Variants in FAM120B observed in about 807,000 individuals in gnomAD.
FAM120B encodes the protein constitutive coactivator of peroxisome proliferator-activated receptor gamma.
In FAM120B, 83 loss-of-function variants were observed where a neutral mutation model predicts 96.3. The observed-to-expected ratio is 0.86, with a 90% CI of 0.72 to 1.03. FAM120B has a LOEUF of 1.03. Among genes scored for constraint, FAM120B ranks in the 50% least tolerant of loss-of-function variants. The probability of loss-of-function intolerance (pLI) is 0.00; values close to 1 mark genes in which losing one functional copy is unlikely to be tolerated. For missense variants in FAM120B, 1,027 were observed against 1,121.2 expected (o/e 0.92, Z 1.20); for synonymous variants, 407 against 402.7 (o/e 1.01, Z -0.13).
intron 4 of FAM120B, among the ~76,000 whole-genome samples, chr6:170,332,620 C>T (rs9348310): frequency 0.1 from 15,653 of 152,106 alleles, 1,028 homozygotes; most frequent in East Asian, 0.2. Flanking sequence ...ATTGCTGGAA[C>T]CCTGGAGGCG....
intron 9 of FAM120B, among the ~76,000 whole-genome samples, chr6:170,402,097 G>A (rs1335846639): frequency 2.6e-5 from 4 of 152,252 alleles, no homozygotes; most frequent in Non-Finnish European, 5.9e-5. Context: ...CACTGCTGAG[G>A]GTGCTGTGCA....
rs578051305 is a variant in FAM120B at position 170,333,161 on chromosome 6, C to T, written c.2017+2611C>T. ...TTGAATGTTTGTACCCCCACCCCAC[C>T]GCCCCCCCGCCCCCCGCAATTCCTG... On this transcript the variant is annotated intron_variant, in intron 4 of 10. Transcript: ENST00000476287. Among the ~76,000 whole-genome samples, 129 of 147,414 alleles carry T rather than the reference C, an allele frequency of 8.8e-4. 1 individual carries two copies. Among genetic ancestry groups the T allele is most frequent in the East Asian group, 6.9e-3 (34 of 4,958 alleles).
At chr6:170,297,384 T>C (rs566482399) in intron 1 of FAM120B, among the ~76,000 whole-genome samples, 19 of 152,338 alleles carry the variant, frequency 1.2e-4, no homozygotes, top group African/African-American at 4.3e-4. Context: ...GGTGACCGGC[T>C]GCGTGCGTTC....
At chr6:170,328,649 A>G (rs1001916351) in intron 3 of FAM120B, among the ~76,000 whole-genome samples, 1 of 152,072 alleles carries the variant, frequency 6.6e-6, no homozygotes, top group African/African-American at 2.4e-5. Context: ...TCCTAAATCT[A>G]TGGGTTTATA....
upstream of FAM120B, among the ~76,000 whole-genome samples, chr6:170,303,750 C>G (rs1462826187): frequency 1.3e-5 from 2 of 152,186 alleles, no homozygotes; most frequent in East Asian, 3.8e-4. Flanking sequence ...GTTAAACTCC[C>G]ATTCAGCAAT....
intron 6 of FAM120B, among the ~76,000 whole-genome samples, chr6:170,386,653 G>C (rs1344688213): frequency 6.6e-6 from 1 of 152,214 alleles, no homozygotes; most frequent in Non-Finnish European, 1.5e-5. Flanking sequence ...GGGCTTCCCT[G>C]TGAGTTTTTC....
intron 3 of FAM120B, among the ~76,000 whole-genome samples, chr6:170,327,289 G>T (rs753900861): frequency 6.6e-6 from 1 of 151,400 alleles, no homozygotes; most frequent in Non-Finnish European, 1.5e-5. Context: ...CTTGTGATCC[G>T]CCCACCTCGG....
intron 9 of FAM120B, among the ~76,000 whole-genome samples, chr6:170,400,831 G>GT (rs1324214170): frequency 6.6e-6 from 1 of 152,226 alleles, no homozygotes; most frequent in East Asian, 1.9e-4. Flanking sequence ...GCCTGCAGGT[G>GT]TGGCCTGGCG....
At chr6:170,383,799 A>G (rs1453755621) in intron 6 of FAM120B, among the ~76,000 whole-genome samples, 1 of 127,546 alleles carries the variant, frequency 7.8e-6, no homozygotes, top group East Asian at 5.4e-4. Context: ...ATGAAAACTT[A>G]GGTTCATTCA....
At chr6:170,389,914 G>A (rs1302259654) in intron 7 of FAM120B, among the ~76,000 whole-genome samples, 1 of 152,132 alleles carries the variant, frequency 6.6e-6, no homozygotes, top group Non-Finnish European at 1.5e-5. Context: ...GTGCCCCACA[G>A]ATATCAGACT....
upstream of FAM120B, among the ~76,000 whole-genome samples, chr6:170,302,846 G>A (rs1045471784): frequency 3.3e-5 from 5 of 152,314 alleles, no homozygotes; most frequent in South Asian, 6.2e-4. Context: ...ATAATCCTAC[G>A]TAACTCTTCT....
chr6:170,372,918 A>G (rs188309701), intron 6 of FAM120B, among the ~76,000 whole-genome samples: 3 of 152,324 alleles, frequency 2.0e-5, no homozygotes, highest in Non-Finnish European at 4.4e-5. Flanking sequence ...ATAACAATGT[A>G]TTCATAATGT....
intron 6 of FAM120B, among the ~76,000 whole-genome samples, chr6:170,379,679 A>G (rs2115280856): frequency 6.6e-6 from 1 of 152,296 alleles, no homozygotes; most frequent in East Asian, 1.9e-4. Flanking sequence ...TTATTTTGAA[A>G]ACTGTCTCAT....
At chr6:170,348,476 AAAAAG>A (rs1302002007) in intron 5 of FAM120B, among the ~76,000 whole-genome samples, 153 bp downstream of exon 5, 1 of 152,216 alleles carries the variant, frequency 6.6e-6, no homozygotes, top group African/African-American at 2.4e-5. Context: ...CTCTAAAAAT[AAAAAG>A]AAGATTGTAT....
At chr6:170,291,055 T>TC, upstream of FAM120B, 1 of 701,388 alleles carries the variant, frequency 1.4e-6, no homozygotes, top group Non-Finnish European at 2.6e-6. Context: ...AACCCTCCTC[T>TC]CAATGGATCG....
chr6:170,351,135 A>G (rs945540973), intron 5 of FAM120B, among the ~76,000 whole-genome samples: 5 of 152,082 alleles, frequency 3.3e-5, no homozygotes, highest in Non-Finnish European at 7.4e-5. Flanking sequence ...TAAGAAATTC[A>G]CAGAACTTCA....
At chr6:170,332,294 T>C (rs1786105556) in intron 4 of FAM120B, among the ~76,000 whole-genome samples, 1 of 152,242 alleles carries the variant, frequency 6.6e-6, no homozygotes, top group Admixed American at 6.5e-5. Flanking sequence ...AAATTTTAAG[T>C]GCTTTTCCGT....
chr6:170,291,186 G>T (rs1783860977), upstream of FAM120B: 11 of 531,384 alleles, frequency 2.1e-5, no homozygotes, highest in Non-Finnish European at 3.5e-5. Flanking sequence ...CACACAAAAC[G>T]CACTCATTTA....
intron 1 of FAM120B, among the ~76,000 whole-genome samples, chr6:170,300,901 C>A (rs73031203): frequency 3.3e-3 from 504 of 152,336 alleles, no homozygotes; most frequent in Non-Finnish European, 5.3e-3. Context: ...TAAACCCCCC[C>A]CTCCTGGCTG....
Sources: allele counts gnomAD v4.1 joint callset (sites outside exome capture counted in the v4.1 genomes callset), GRCh38; gene constraint gnomAD v4.1.1; transcripts MANE v1.5; gene names NCBI Gene and HGNC (gene_info 2026-07-23, HGNC 2026-07-21).